BDNF: variants seen among roughly 807,000 people sequenced by gnomAD.
BDNF encodes brain derived neurotrophic factor.
A neutral mutation model predicts 19.5 loss-of-function variants in BDNF; 1 was observed. The ratio of observed to expected loss-of-function variants is 0.05; its 90% CI spans 0.02 to 0.24. BDNF has a LOEUF of 0.24. Ranked by LOEUF, BDNF falls within the 10% of genes least tolerant of loss-of-function variation. BDNF has a pLI of 1.00. For missense variants in BDNF, 195 were observed against 317.6 expected, an observed-to-expected ratio of 0.61 and a Z score of 2.93; for synonymous variants, 100 against 121.6, an observed-to-expected ratio of 0.82 and a Z score of 1.17.
intron 1 of BDNF, among the ~76,000 whole-genome samples, chr11:27,668,512 A>AG (rs1313480760): frequency 2.0e-5 from 3 of 152,212 alleles, no homozygotes. Flanking sequence ...ATAGATCACT[A>AG]GCAAGACTAA....
intron 1 of BDNF, chr11:27,697,628 C>G (rs1859258356): frequency 6.6e-6 from 1 of 152,136 alleles, no homozygotes; most frequent in South Asian, 2.1e-4. Context: ...TGATGACTTT[C>G]TTGGTTCCAT....
At chr11:27,719,685 C>T in intron 1 of BDNF, 2 of 973,100 alleles carry the variant, frequency 2.1e-6, no homozygotes, top group South Asian at 9.7e-5. Context: ...GGAGCGAGGG[C>T]GACGGAGAGG....
intron 1 of BDNF, chr11:27,699,688 C>A: frequency 7.1e-7 from 1 of 1,404,910 alleles, no homozygotes; most frequent in South Asian, 1.6e-5. Context: ...GGAAGGGATG[C>A]GGGCTGAAGG....
chr11:27,662,604 G>T (rs1436478713), intron 1 of BDNF, among the ~76,000 whole-genome samples: 2 of 152,180 alleles, frequency 1.3e-5, no homozygotes. Context: ...GGATGAAATG[G>T]TTCCACCTTA....
chr11:27,655,036 A>G lies in BDNF; in HGVS notation c.*2785T>C, dbSNP rs1188799285. 2 of 152,258 alleles carry G rather than the reference A, an allele frequency of 1.3e-5. No individual in the cohort carries two copies. Among genetic ancestry groups the G allele is most frequent in the Non-Finnish European group, 2.9e-5 (2 of 67,996 alleles). 9.4% of individuals were successfully genotyped at this position (152,258 alleles called of 1,614,324 possible). ...TTAAGTTTTAATGCCAATTTTTTTC[A>G]ATAACATAATTATATAAATATACTA... is the stretch of plus-strand genomic sequence containing the variant. On this transcript the variant is annotated 3_prime_UTR_variant, in exon 2 of 2. Transcript: ENST00000356660.
intron 1 of BDNF, among the ~76,000 whole-genome samples, chr11:27,686,498 G>C (rs1164335588): frequency 6.6e-6 from 1 of 152,130 alleles, no homozygotes; most frequent in East Asian, 1.9e-4. Flanking sequence ...AGTTTCAATG[G>C]TCTTTACAAT....
At position 27,658,776 on chromosome 11, in the gene BDNF, A is replaced by T. The variant is rs575405185; in HGVS notation, c.-21-191T>A. 2.4e-4 allele frequency: 358 copies of T among 1,461,524 alleles called. 3 individuals carry two copies. The African/African-American group carries it at 4.5e-3, about 19-fold the overall frequency. The allele number at this position is 1,461,524 out of a possible 1,614,324, so 90.5% of individuals were successfully genotyped here. A position where few individuals can be genotyped will look rare whatever the true frequency, so the allele number is the denominator to read the frequency against. The stretch of plus-strand genomic sequence containing the variant: ...AGTGTGCTGTATGTGGTTTAATATA[A>T]ACCAGAGACATGCAGTGTTTCCCCC... On this transcript the variant is annotated intron_variant, in intron 1 of 1. Transcript: ENST00000356660. This position sits in a 1 kb window ranked among gnomAD's most constrained non-coding sequence, Gnocchi z 5.7.
At chr11:27,704,228 C>A (rs4923468), upstream of BDNF, among the ~76,000 whole-genome samples, 8,515 of 152,240 alleles carry the variant, frequency 0.056, 592 homozygotes, top group African/African-American at 0.17. Flanking sequence ...CTACCTATTT[C>A]ACTTTTGTGG....
At chr11:27,713,706 T>C (rs558518389) in intron 1 of BDNF, among the ~76,000 whole-genome samples, 2 of 152,280 alleles carry the variant, frequency 1.3e-5, no homozygotes, top group South Asian at 2.1e-4. Context: ...TTAGGAAAAT[T>C]GTTGGATCAC....
chr11:27,660,278 C>G, intron 1 of BDNF: 1 of 1,238,548 alleles, frequency 8.1e-7, no homozygotes, highest in Non-Finnish European at 1.0e-6. Flanking sequence ...CATCCCTAAA[C>G]ACACAAAAAA....
At chr11:27,701,665 G>A (rs1464044036), upstream of BDNF, 1 of 972,230 alleles carries the variant, frequency 1.0e-6, no homozygotes, top group East Asian at 1.1e-4. Context: ...ACGGTGCCTT[G>A]ACGTGCGCTG....
chr11:27,684,855 A>G (rs977543417), intron 1 of BDNF, among the ~76,000 whole-genome samples: 2 of 151,986 alleles, frequency 1.3e-5, no homozygotes, highest in African/African-American at 2.4e-5. Context: ...TTGGCCTACA[A>G]TTTTATTTTT....
intron 1 of BDNF, chr11:27,674,582 C>T: frequency 1.0e-6 from 1 of 985,188 alleles, no homozygotes; most frequent in Non-Finnish European, 1.2e-6. Flanking sequence ...ATATTAACAT[C>T]TTAGATGACA....
At chr11:27,664,183 T>G (rs1409506166) in intron 1 of BDNF, among the ~76,000 whole-genome samples, 1 of 152,202 alleles carries the variant, frequency 6.6e-6, no homozygotes, top group African/African-American at 2.4e-5. Flanking sequence ...TAATATTTGG[T>G]TCCTAACATA....
At chr11:27,667,794 T>C (rs1229401312) in intron 1 of BDNF, among the ~76,000 whole-genome samples, 1 of 152,160 alleles carries the variant, frequency 6.6e-6, no homozygotes, top group Non-Finnish European at 1.5e-5. Flanking sequence ...ACAAAGAGAC[T>C]TAGACTCCCA....
At chr11:27,674,232 G>A (rs1211387366) in intron 1 of BDNF, 3 of 1,593,954 alleles carry the variant, frequency 1.9e-6, no homozygotes, top group Non-Finnish European at 1.7e-6. Context: ...ATTCTGAGTA[G>A]TAACAAGGAT....
At chr11:27,704,815 T>C (rs1860044973), upstream of BDNF, among the ~76,000 whole-genome samples, 1 of 152,234 alleles carries the variant, frequency 6.6e-6, no homozygotes, top group Admixed American at 6.5e-5. Context: ...ATTCATGAGA[T>C]GTTACGTTCT....
rs1253363411 is a variant in BDNF, at chr11:27,658,552, A to G, written c.13T>C (p.Phe5Leu). 1.2e-6 allele frequency: 2 copies of G among 1,614,086 alleles called. No individual in the cohort carries two copies. Among genetic ancestry groups the G allele is most frequent in the African/African-American group, 1.3e-5 (1 of 74,946 alleles). ...AAGTATGAAATAACCATAGTAAGGA[A>G]AAGGATGGTCATCACTCTTCTCACC... is the stretch of plus-strand genomic sequence containing the variant. MTIL[F>L]LTMVISYFGC... Residue 5 changes from phenylalanine (F) to leucine (L), a missense_variant, in exon 2 of 2, where the codon TTC (phenylalanine) becomes CTC (leucine). This residue lies in a region of BDNF where 124 missense variants were observed against 155.0 expected (regional missense o/e 0.80). Transcript: ENST00000356660. This position sits in a 1 kb window ranked among gnomAD's most constrained non-coding sequence, Gnocchi z 5.7.
chr11:27,659,422 T>C (rs1252682092), intron 1 of BDNF: 2 of 1,000,354 alleles, frequency 2.0e-6, no homozygotes, highest in East Asian at 1.1e-4. Context: ...CTGGGGCTAA[T>C]GTCATGAAAA....
Sources: gnomAD v4.1 joint callset for allele counts (sites outside exome capture counted in the v4.1 genomes callset) on GRCh38, gnomAD v4.1.1 for gene constraint, gnomAD v4.1.1 regional missense constraint, Gnocchi (gnomAD v3.1) non-coding constraint, MANE v1.5 for transcripts, NCBI Gene and HGNC (gene_info 2026-07-23, HGNC 2026-07-21) for gene names.